The following NAV3 variants were observed in gnomAD, a reference collection of about 807,000 sequenced individuals.
The protein encoded by NAV3 is neuron navigator 3.
NAV3 carries 87 observed loss-of-function variants against 244.7 expected under a neutral mutation model. That is an observed-to-expected ratio of 0.36 (90% CI 0.30 to 0.42). NAV3 has a LOEUF of 0.42. Ranked by LOEUF, NAV3 falls within the 20% of genes least tolerant of loss-of-function variation. NAV3 has a pLI of 1.00. For missense variants in NAV3, 2,663 were observed against 2,893.3 expected (o/e 0.92, Z 1.83); for synonymous variants, 1,126 against 1,042.2 (o/e 1.08, Z -1.55).
intron 1 of NAV3, among the ~76,000 whole-genome samples, chr12:77,842,888 C>T (rs912587123): frequency 4.6e-5 from 7 of 152,134 alleles, no homozygotes; most frequent in African/African-American, 1.4e-4. Flanking sequence ...TTCTCTTCAG[C>T]AGTGTTCATT....
chr12:77,940,966 G>A, intron 2 of NAV3, 115 bp from the exon 3 acceptor site: 5 of 680,654 alleles, frequency 7.3e-6, no homozygotes, highest in Non-Finnish European at 1.3e-5. Context: ...AATATATGTA[G>A]CAGGAGCATT....
At chr12:78,121,143 C>A (rs1212519477) in intron 15 of NAV3, among the ~76,000 whole-genome samples, 1 of 152,128 alleles carries the variant, frequency 6.6e-6, no homozygotes, top group Non-Finnish European at 1.5e-5. Flanking sequence ...GATTTCATTG[C>A]AACTCAATTA....
At chr12:78,128,236 T>G (rs528583821) in intron 17 of NAV3, among the ~76,000 whole-genome samples, 1 of 149,264 alleles carries the variant, frequency 6.7e-6, no homozygotes, top group Non-Finnish European at 1.5e-5. Context: ...TGATGTCAAG[T>G]GGCAGTTTAA....
At chr12:78,108,617 C>T (rs1403072415) in intron 12 of NAV3, among the ~76,000 whole-genome samples, 1 of 152,094 alleles carries the variant, frequency 6.6e-6, no homozygotes, top group Non-Finnish European at 1.5e-5. Context: ...TCTTCTCAGA[C>T]CACTGTTGAA....
At chr12:78,120,237 G>A (rs1955614606) in intron 15 of NAV3, among the ~76,000 whole-genome samples, 1 of 152,132 alleles carries the variant, frequency 6.6e-6, no homozygotes, top group Non-Finnish European at 1.5e-5. Context: ...TAATACCTAA[G>A]TGTAGTGATA....
chr12:77,611,664 T>G (rs1870919763), intron 2 of NAV3, among the ~76,000 whole-genome samples: 1 of 151,930 alleles, frequency 6.6e-6, no homozygotes, highest in African/African-American at 2.4e-5. Flanking sequence ...ATATCAGAAA[T>G]AGAATCATGC....
intron 5 of NAV3, among the ~76,000 whole-genome samples, chr12:77,977,869 G>T (rs1394379753): frequency 6.6e-6 from 1 of 152,070 alleles, no homozygotes; most frequent in Non-Finnish European, 1.5e-5. Context: ...TTGAATTAGG[G>T]CCAGAGCTCA....
At chr12:78,176,948 TAC>T (rs1481339754) in intron 26 of NAV3, among the ~76,000 whole-genome samples, 191 bp from the exon 27 acceptor site, 10 of 152,062 alleles carry the variant, frequency 6.6e-5, no homozygotes, top group African/African-American at 2.4e-4. Flanking sequence ...GCTGGATTAA[TAC>T]AAGAATAAAA....
At chr12:77,948,692 C>A (rs1890599049) in intron 3 of NAV3, among the ~76,000 whole-genome samples, 2 of 124,858 alleles carry the variant, frequency 1.6e-5, no homozygotes, top group South Asian at 2.6e-4. Flanking sequence ...CCCCCCACCA[C>A]TGCCAAACTT....
At chr12:78,064,422 T>TGCCTGCCTGC (rs1566082119) in intron 12 of NAV3, among the ~76,000 whole-genome samples, 4 of 112,976 alleles carry the variant, frequency 3.5e-5, no homozygotes, top group South Asian at 2.9e-4. Flanking sequence ...TGTCTGTCTG[T>TGCCTGCCTGC]CTGTCTGCCT....
chr12:78,000,783 G>A (rs1222127727), intron 7 of NAV3, among the ~76,000 whole-genome samples: 4 of 150,938 alleles, frequency 2.7e-5, no homozygotes, highest in Middle Eastern at 3.2e-3. Context: ...GATTACAGGC[G>A]TGAGCCACCG....
intron 23 of NAV3, among the ~76,000 whole-genome samples, chr12:78,168,419 A>G (rs1250283027): frequency 6.6e-6 from 1 of 151,828 alleles, no homozygotes; most frequent in Admixed American, 6.6e-5. Flanking sequence ...ATCATAGGTA[A>G]TATTAGTAAG....
rs1955574791 is a variant in NAV3 at position 78,119,534 on chromosome 12, G to A, written c.3338G>A (p.Ser1113Asn). 2 of 1,614,060 alleles carry A rather than the reference G, an allele frequency of 1.2e-6. No homozygotes were observed. The highest frequency in any genetic ancestry group is 1.7e-6 in the Non-Finnish European group (2 of 1,180,046). ...GGKSNAGRKT[S>N]LDGSQNQDDV... Reference sequence around the variant, plus strand: ...AAGTCAAATGCAGGGAGAAAAACCAGTTTGGACGGTTCACAGAATCAGGAT... The same window carrying A: ...AAGTCAAATGCAGGGAGAAAAACCAATTTGGACGGTTCACAGAATCAGGAT... The change falls in exon 15 of 40, where the codon AGT (serine) becomes AAT (asparagine). Residue 1113 changes from serine (S) to asparagine (N), a missense_variant. Around this residue, in one of 6 missense-constraint regions of NAV3, gnomAD observed 1,521 missense variants for 1,497.0 expected, o/e 1.02. Coordinates refer to ENST00000397909, the MANE Select transcript of NAV3 (RefSeq NM_001024383.2).
At chr12:78,178,603 A>T (rs1333168939) in intron 28 of NAV3, among the ~76,000 whole-genome samples, 1 of 152,140 alleles carries the variant, frequency 6.6e-6, no homozygotes, top group African/African-American at 2.4e-5. Flanking sequence ...TTCTGGTGAG[A>T]TAATTCTCTG....
intron 3 of NAV3, among the ~76,000 whole-genome samples, chr12:77,963,382 A>G (rs1046175684): frequency 1.3e-5 from 2 of 152,198 alleles, no homozygotes; most frequent in South Asian, 4.1e-4. Context: ...TATAAATGGC[A>G]TTTAACAAGA....
intron 1 of NAV3, among the ~76,000 whole-genome samples, chr12:77,859,167 C>G (rs1878830837): frequency 6.6e-6 from 1 of 152,004 alleles, no homozygotes; most frequent in Non-Finnish European, 1.5e-5. Context: ...TCTTTTCAGT[C>G]TTTTAGAGAG....
chr12:77,821,092 A>AACAC lies in NAV3; in HGVS notation c.73-119209_73-119206dup, dbSNP rs10555319. The stretch of plus-strand genomic sequence containing the variant: ...ATGTACACACACACATGTTCGCACA[A>AACAC]ACACACACACACACACACACAGCTG... On this transcript the variant is annotated intron_variant, in intron 2 of 8. Coordinates refer to the NAV3 transcript ENST00000550042. 4.5e-3 allele frequency among the ~76,000 whole-genome samples: 679 copies of AACAC among 150,280 alleles called. 2 individuals are homozygous for AACAC. Among genetic ancestry groups the AACAC allele is most frequent in the South Asian group, 7.6e-3 (36 of 4,724 alleles).
intron 18 of NAV3, among the ~76,000 whole-genome samples, chr12:78,132,036 C>A (rs1956187643): frequency 1.3e-5 from 2 of 152,136 alleles, no homozygotes; most frequent in African/African-American, 2.4e-5. Context: ...ATCAAGGACT[C>A]ATTTACCACA....
intron 2 of NAV3, among the ~76,000 whole-genome samples, chr12:77,807,893 A>T (rs1323693204): frequency 6.6e-6 from 1 of 151,772 alleles, no homozygotes; most frequent in East Asian, 1.9e-4. Context: ...TTTTTTCTCT[A>T]ATCTTGTCTT....
Sources: allele counts gnomAD v4.1 joint callset (sites outside exome capture counted in the v4.1 genomes callset), GRCh38; gene constraint gnomAD v4.1.1; regional missense constraint gnomAD v4.1.1; transcripts MANE v1.5; gene names NCBI Gene and HGNC (gene_info 2026-07-23, HGNC 2026-07-21).